The following SOBP variants were observed in gnomAD, a reference collection of about 807,000 sequenced individuals.
SOBP encodes sine oculis binding protein homolog.
A neutral mutation model predicts 53.6 loss-of-function variants in SOBP; 4 were observed. The observed-to-expected ratio is 0.07, with a 90% CI of 0.04 to 0.17. The LOEUF (loss-of-function observed/expected upper bound fraction) is 0.17. Ranked by LOEUF, SOBP falls within the 10% of genes least tolerant of loss-of-function variation. SOBP has a pLI of 1.00. For synonymous variants in SOBP, 584 were observed against 522.6 expected (o/e 1.12, Z -1.60); for missense variants, 1,088 against 1,204.7 (o/e 0.90, Z 1.43).
At chr6:107,532,447 A>G (rs9400121) in intron 3 of SOBP, among the ~76,000 whole-genome samples, 15,863 of 151,704 alleles carry the variant, frequency 0.1, 1,023 homozygotes, top group East Asian at 0.25. Context: ...GAATATCACC[A>G]TCATAATGTT....
chr6:107,532,915 G>T (rs965649884), intron 3 of SOBP, among the ~76,000 whole-genome samples: 1 of 152,134 alleles, frequency 6.6e-6, no homozygotes, highest in Admixed American at 6.6e-5. Context: ...TTGACTAAAC[G>T]TGTTGCTTGG....
intron 4 of SOBP, among the ~76,000 whole-genome samples, chr6:107,585,136 G>C (rs769570665): frequency 1.3e-5 from 2 of 152,096 alleles, no homozygotes; most frequent in Non-Finnish European, 2.9e-5. Context: ...AGTTGTTTAT[G>C]GTAGGGTCTA....
chr6:107,507,275 T>G lies in SOBP; in HGVS notation c.421+848T>G, dbSNP rs112393558. Among the ~76,000 whole-genome samples the G allele has an allele frequency of 5.7e-4, 87 of 152,238 alleles. 2 individuals carry two copies. Among genetic ancestry groups the G allele is most frequent in the African/African-American group, 2.0e-3 (84 of 41,554 alleles). On this transcript the variant is annotated intron_variant, in intron 3 of 6. Coordinates refer to ENST00000317357, the MANE Select transcript of SOBP (RefSeq NM_018013.4). ...GCCCAACCCAAATTTGTAAACTTTC[T>G]TAAAACATCATGAGATTTTTTTTGA...
intron 1 of SOBP, among the ~76,000 whole-genome samples, chr6:107,500,059 C>T (rs1258193097): frequency 6.6e-6 from 1 of 152,084 alleles, no homozygotes; most frequent in Admixed American, 6.5e-5. Flanking sequence ...ACTTGAAAAT[C>T]TTTATAGGCC....
At chr6:107,620,611 C>T (rs1786968493) in intron 5 of SOBP, among the ~76,000 whole-genome samples, 1 of 152,196 alleles carries the variant, frequency 6.6e-6, no homozygotes, top group South Asian at 2.1e-4. Flanking sequence ...TTTCCTCCTC[C>T]TCTTTGTTCC....
rs750735550 is a variant in SOBP at position 107,553,298 on chromosome 6, TTTTATTTATTTATTTA to T, written c.573+19720_573+19735del. Among the ~76,000 whole-genome samples, 1,134 of 139,420 alleles carry T rather than the reference TTTTATTTATTTATTTA, an allele frequency of 8.1e-3. 23 individuals carry two copies. Among genetic ancestry groups the T allele is most frequent in the African/African-American group, 0.028 (1,059 of 37,786 alleles). The allele number at this position is 139,420 out of a possible 152,430, so 91.5% of individuals were successfully genotyped here. Reference sequence around the variant, plus strand: ...AAATCCACTCACGGGCTTATTATTATTTTATTTATTTATTTATTTATTTATTTATTTATTTATTTAT... The same window carrying T: ...AAATCCACTCACGGGCTTATTATTATTTTATTTATTTATTTATTTATTTAT... On this transcript the variant is annotated intron_variant, in intron 4 of 6. Coordinates refer to ENST00000317357, the MANE Select transcript of SOBP (RefSeq NM_018013.4).
intron 4 of SOBP, among the ~76,000 whole-genome samples, chr6:107,557,512 A>C (rs1240376020): frequency 6.6e-6 from 1 of 152,238 alleles, no homozygotes; most frequent in African/African-American, 2.4e-5. Context: ...ATGAATCAAA[A>C]ATCAAAGTAT....
intron 1 of SOBP, among the ~76,000 whole-genome samples, chr6:107,494,077 TC>T (rs1261142355): frequency 6.6e-6 from 1 of 152,264 alleles, no homozygotes; most frequent in East Asian, 1.9e-4. Context: ...TGTTTCTTTA[TC>T]TTTCCTTTTC....
chr6:107,499,935 T>A (rs1323458793), intron 1 of SOBP, among the ~76,000 whole-genome samples: 3 of 152,032 alleles, frequency 2.0e-5, no homozygotes, highest in Non-Finnish European at 1.5e-5. Flanking sequence ...GAAACACATG[T>A]ATATATATAT....
At chr6:107,544,318 T>G (rs1163022906) in intron 4 of SOBP, among the ~76,000 whole-genome samples, 1 of 152,206 alleles carries the variant, frequency 6.6e-6, no homozygotes, top group Non-Finnish European at 1.5e-5. Flanking sequence ...CCATTATTAA[T>G]TAATCTATTT....
chr6:107,511,897 T>A (rs1489818001), intron 3 of SOBP, among the ~76,000 whole-genome samples: 1 of 152,098 alleles, frequency 6.6e-6, no homozygotes, highest in Non-Finnish European at 1.5e-5. Flanking sequence ...GGCATTACTA[T>A]GGTAACAGAC....
intron 4 of SOBP, among the ~76,000 whole-genome samples, chr6:107,568,389 G>A (rs780467651): frequency 3.3e-5 from 5 of 152,104 alleles, no homozygotes; most frequent in Non-Finnish European, 7.4e-5. Context: ...ATGAACAACG[G>A]ACTCAAATGA....
intron 4 of SOBP, among the ~76,000 whole-genome samples, chr6:107,542,231 G>A (rs369887967): frequency 6.6e-6 from 1 of 152,112 alleles, no homozygotes; most frequent in South Asian, 2.1e-4. Context: ...TATTTTTGAG[G>A]AGGTGACGTG....
chr6:107,631,200 C>G (rs1227018074), intron 5 of SOBP, among the ~76,000 whole-genome samples: 2 of 152,068 alleles, frequency 1.3e-5, no homozygotes, highest in African/African-American at 4.8e-5. Flanking sequence ...AACCCTTCTC[C>G]CTTATGGCTA....
chr6:107,573,091 C>A (rs554375766), intron 4 of SOBP, among the ~76,000 whole-genome samples: 2 of 151,946 alleles, frequency 1.3e-5, no homozygotes, highest in Non-Finnish European at 2.9e-5. Context: ...TTTGAGGGAG[C>A]GAAATGGATA....
At chr6:107,553,469 C>T (rs1437011623) in intron 4 of SOBP, among the ~76,000 whole-genome samples, 1 of 150,722 alleles carries the variant, frequency 6.6e-6, no homozygotes, top group African/African-American at 2.4e-5. Flanking sequence ...GCTGGGACTA[C>T]AGGTGCACGC....
At chr6:107,530,721 T>G (rs1436245217) in intron 3 of SOBP, among the ~76,000 whole-genome samples, 1 of 152,142 alleles carries the variant, frequency 6.6e-6, no homozygotes, top group Non-Finnish European at 1.5e-5. Flanking sequence ...GAAATGGAGT[T>G]GTATGAAAAA....
In SOBP at chr6:107,595,394, A is replaced by T. The variant is rs75153663; in HGVS notation, c.669+8219A>T. Among the ~76,000 whole-genome samples the T allele has an allele frequency of 8.2e-3, 905 of 110,190 alleles. 6 individuals carry two copies. The highest frequency in any genetic ancestry group is 0.031 in the African/African-American group (846 of 27,270). 72.3% of individuals were successfully genotyped at this position (110,190 alleles called of 152,430 possible). A position where few individuals can be genotyped will look rare whatever the true frequency, so the allele number is the denominator to read the frequency against. On this transcript the variant is annotated intron_variant, in intron 5 of 6. Transcript: ENST00000317357. ...TTTTTAGGATCACTAAGGCTATTTT[A>T]AAAAAGCTTGAACTATTTTGGTTTG...
At position 107,534,219 on chromosome 6, in the gene SOBP, C is replaced by T. The variant is rs370730931; in HGVS notation, c.573+609C>T. On this transcript the variant is annotated intron_variant, in intron 4 of 6. Coordinates refer to ENST00000317357, the MANE Select transcript of SOBP (RefSeq NM_018013.4). ...GGTGGGTAAACACAGGAACAGCCAT[C>T]GTTAGAATTTTTTTTGGTTTTGTTT... 4.0e-4 allele frequency among the ~76,000 whole-genome samples: 61 copies of T among 152,260 alleles called. No homozygotes were observed. In the South Asian group the frequency reaches 0.012, roughly 31 times the overall value.
Sources: allele counts gnomAD v4.1 joint callset (sites outside exome capture counted in the v4.1 genomes callset), GRCh38; gene constraint gnomAD v4.1.1; transcripts MANE v1.5; gene names NCBI Gene and HGNC (gene_info 2026-07-23, HGNC 2026-07-21).